UHRF2: variants seen among roughly 807,000 people sequenced by gnomAD.
UHRF2 encodes ubiquitin like with PHD and ring finger domains 2, also known as E3 ubiquitin-protein ligase UHRF2.
A neutral mutation model predicts 96.8 loss-of-function variants in UHRF2; 23 were observed. That is an observed-to-expected ratio of 0.24 (90% CI 0.17 to 0.34). The LOEUF is 0.34. Among genes scored for constraint, UHRF2 ranks in the 10% least tolerant of loss-of-function variants. The pLI is 1.00. For missense variants in UHRF2, 685 were observed against 981.5 expected, an observed-to-expected ratio of 0.70 and a Z score of 4.04; for synonymous variants, 385 against 332.6, an observed-to-expected ratio of 1.16 and a Z score of -1.72.
intron 14 of UHRF2, among the ~76,000 whole-genome samples, chr9:6,501,870 G>T (rs547009018): frequency 6.6e-6 from 1 of 152,332 alleles, no homozygotes; most frequent in Admixed American, 6.5e-5. Context: ...GATAACTGAG[G>T]TGAGTTTCCA....
intron 6 of UHRF2, among the ~76,000 whole-genome samples, chr9:6,479,830 A>G (rs1236479867): frequency 6.6e-6 from 1 of 152,202 alleles, no homozygotes; most frequent in East Asian, 1.9e-4. Context: ...AGATTTTGAC[A>G]GTTCTTAATA....
chr9:6,451,214 G>A (rs983013250), intron 3 of UHRF2, among the ~76,000 whole-genome samples: 2 of 152,138 alleles, frequency 1.3e-5, no homozygotes, highest in African/African-American at 2.4e-5. Flanking sequence ...TATCATTTGG[G>A]CTGTCTAGTG....
chr9:6,443,744 A>T (rs774464138), intron 3 of UHRF2, among the ~76,000 whole-genome samples: 1 of 152,220 alleles, frequency 6.6e-6, no homozygotes, highest in Non-Finnish European at 1.5e-5. Flanking sequence ...ATACAGTGTC[A>T]AGGCTTTACC....
chr9:6,476,828 C>T (rs1005310729), intron 5 of UHRF2, among the ~76,000 whole-genome samples: 2 of 152,084 alleles, frequency 1.3e-5, no homozygotes, highest in Admixed American at 6.5e-5. Context: ...CTCCTGAGCT[C>T]GTGATCCGCC....
intron 1 of UHRF2, among the ~76,000 whole-genome samples, chr9:6,417,009 T>C (rs868114837): frequency 6.6e-6 from 1 of 152,110 alleles, no homozygotes. Flanking sequence ...TACTTGCCTA[T>C]TTAAAGGAAT....
Position 6,447,248 on chromosome 9 carries a change from G to GCGGT in UHRF2, c.644+13077_644+13080dup, listed in dbSNP as rs1294928708. 2.0e-5 allele frequency among the ~76,000 whole-genome samples: 3 copies of GCGGT among 152,244 alleles called. No individual in the cohort carries two copies. The East Asian group carries it at 5.8e-4, about 29-fold the overall frequency. On this transcript the variant is annotated intron_variant, in intron 3 of 15. Coordinates refer to ENST00000276893, the MANE Select transcript of UHRF2 (RefSeq NM_152896.3). Reference sequence around the variant, plus strand: ...CTACTATTAGCAAAATAGATGTCAGGCGGTCATACTTTATTATATATTTGA... The same window carrying GCGGT: ...CTACTATTAGCAAAATAGATGTCAGGCGGTCGGTCATACTTTATTATATATTTGA...
In UHRF2 at chr9:6,429,104, G is replaced by A. The variant is rs1391511929; in HGVS notation, c.385-4810G>A. 7.9e-5 allele frequency among the ~76,000 whole-genome samples: 12 copies of A among 151,886 alleles called. No homozygotes were observed. In the South Asian group the frequency reaches 8.3e-4, roughly 11 times the overall value. On this transcript the variant is annotated intron_variant, in intron 2 of 15. Transcript: ENST00000276893. ...TGCTTGTACCTGGGAGGCAGAGGTC[G>A]CAGTGAGCCAACATCGCACCACTGC...
rs549738136 is a variant in UHRF2, at chr9:6,501,217, A to G, written c.2163+508A>G. Among the ~76,000 whole-genome samples, 8 of 152,304 alleles carry G rather than the reference A, an allele frequency of 5.3e-5. No individual in the cohort carries two copies. In the South Asian group the frequency reaches 1.7e-3, roughly 32 times the overall value. ...AGTAAAAAGGAATCACAGTTAATTA[A>G]TGTGTGGGCTTTGTGTTAAGCTGTG... is the stretch of plus-strand genomic sequence containing the variant. On this transcript the variant is annotated intron_variant, in intron 14 of 15. Transcript: ENST00000276893.
chr9:6,491,369 T>G (rs1045373362), intron 9 of UHRF2, among the ~76,000 whole-genome samples: 2 of 152,220 alleles, frequency 1.3e-5, no homozygotes, highest in Non-Finnish European at 2.9e-5. Flanking sequence ...GAATTAATTA[T>G]ACGTAAAATG....
At chr9:6,496,662 C>T (rs188534754) in intron 10 of UHRF2, 2 of 152,424 alleles carry the variant, frequency 1.3e-5, no homozygotes, top group Admixed American at 1.3e-4. Flanking sequence ...AAAGAACATT[C>T]TCATACACCA....
intron 13 of UHRF2, among the ~76,000 whole-genome samples, 182 bp downstream of exon 13, chr9:6,500,113 G>A (rs1344071908): frequency 6.6e-6 from 1 of 151,932 alleles, no homozygotes; most frequent in African/African-American, 2.4e-5. Context: ...GCCCACGGCT[G>A]TACACCACCA....
chr9:6,422,890 ATC>A (rs1275543236), intron 2 of UHRF2: 4 of 379,030 alleles, frequency 1.1e-5, no homozygotes, highest in Admixed American at 4.5e-5. Context: ...TAAAATAGTA[ATC>A]TGTTTGCTGA....
At chr9:6,446,492 G>C (rs1821513514) in intron 3 of UHRF2, among the ~76,000 whole-genome samples, 1 of 151,828 alleles carries the variant, frequency 6.6e-6, no homozygotes. Flanking sequence ...TGTTGCCCAG[G>C]CTGGTCTCAA....
At chr9:6,489,717 A>C (rs1259287752) in intron 9 of UHRF2, among the ~76,000 whole-genome samples, 1 of 134,532 alleles carries the variant, frequency 7.4e-6, no homozygotes, top group Admixed American at 7.4e-5. Flanking sequence ...CCATTTTCTA[A>C]TTGGGTTTTT....
At chr9:6,422,986 G>C in intron 2 of UHRF2, 1 of 245,238 alleles carries the variant, frequency 4.1e-6, no homozygotes, top group Non-Finnish European at 7.7e-6. Flanking sequence ...ATAATCGAAT[G>C]GCAGTTTTGC....
chr9:6,480,076 T>G (rs1417938849), intron 6 of UHRF2, among the ~76,000 whole-genome samples: 1 of 152,188 alleles, frequency 6.6e-6, no homozygotes, highest in Non-Finnish European at 1.5e-5. Context: ...CCATATCTAC[T>G]CTCTAACTTC....
intron 1 of UHRF2, among the ~76,000 whole-genome samples, chr9:6,416,636 G>A (rs747910206): frequency 6.7e-5 from 10 of 148,694 alleles, no homozygotes; most frequent in Non-Finnish European, 1.5e-4. Flanking sequence ...TCCGCCTTCC[G>A]GGTTCACGCC....
rs1819455159 is a variant in UHRF2 at position 6,414,167 on chromosome 9, T to A, written c.153+524T>A. 2.0e-5 allele frequency: 3 copies of A among 152,342 alleles called. No homozygotes were observed. The South Asian group carries it at 6.2e-4, about 32-fold the overall frequency. 9.4% of individuals were successfully genotyped at this position (152,342 alleles called of 1,614,324 possible). A position where few individuals can be genotyped will look rare whatever the true frequency, so the allele number is the denominator to read the frequency against. On this transcript the variant is annotated intron_variant, in intron 1 of 15. Coordinates refer to ENST00000276893, the MANE Select transcript of UHRF2 (RefSeq NM_152896.3). Reference sequence around the variant, plus strand: ...GAACCCTAACTCTGCTTCCTGACTGTGGTAGGATTCGCGCAAACTGAAGAT... The same window carrying A: ...GAACCCTAACTCTGCTTCCTGACTGAGGTAGGATTCGCGCAAACTGAAGAT...
At chr9:6,491,413 G>C (rs1824652876) in intron 9 of UHRF2, among the ~76,000 whole-genome samples, 1 of 152,200 alleles carries the variant, frequency 6.6e-6, no homozygotes, top group Non-Finnish European at 1.5e-5. Context: ...ACCAGTAGTA[G>C]ATGTGTGTTA....
Sources: allele counts gnomAD v4.1 joint callset (sites outside exome capture counted in the v4.1 genomes callset), GRCh38; gene constraint gnomAD v4.1.1; transcripts MANE v1.5; gene names NCBI Gene and HGNC (gene_info 2026-07-23, HGNC 2026-07-21).